Variants in C12orf54 observed in about 807,000 individuals in gnomAD.
C12orf54 encodes the protein chromosome 12 open reading frame 54, also known as uncharacterized protein C12orf54.
A neutral mutation model predicts 26.4 loss-of-function variants in C12orf54; 24 were observed. That is an observed-to-expected ratio of 0.91 (90% confidence interval 0.66 to 1.28). C12orf54 has a LOEUF of 1.28. Ranked by LOEUF, C12orf54 falls within the 50% of genes most tolerant of loss-of-function variation. The pLI is 0.00. For missense variants in C12orf54, 154 were observed against 150.9 expected (o/e 1.02, Z -0.11); for synonymous variants, 54 against 47.0 (o/e 1.15, Z -0.61).
chr12:48,473,948 C>T, the C12orf54 span, among the ~76,000 whole-genome samples: 1 of 152,140 alleles, frequency 6.6e-6, no homozygotes, highest in African/African-American at 2.4e-5. Flanking sequence ...GGGACATTCC[C>T]CATCTCTCAT....
chr12:48,482,961 C>G (rs1326262942), intron 1 of C12orf54, among the ~76,000 whole-genome samples: 2 of 151,688 alleles, frequency 1.3e-5, no homozygotes, highest in African/African-American at 4.8e-5. Context: ...TACTTCCTCA[C>G]TGCAATTTCT....
At chr12:48,458,239 A>G in the C12orf54 span, among the ~76,000 whole-genome samples, 8 of 152,214 alleles carry the variant, frequency 5.3e-5, no homozygotes, top group African/African-American at 1.9e-4. Flanking sequence ...CATTCACTGC[A>G]ACTGCTCAGC....
At chr12:48,475,423 G>A in the C12orf54 span, among the ~76,000 whole-genome samples, 3 of 152,152 alleles carry the variant, frequency 2.0e-5, no homozygotes, top group African/African-American at 4.8e-5. Context: ...GAGAGAAGAA[G>A]GCTTCAGAAG....
chr12:48,479,993 C>T (rs1042254683), upstream of C12orf54, among the ~76,000 whole-genome samples: 3 of 151,882 alleles, frequency 2.0e-5, no homozygotes, highest in Non-Finnish European at 4.4e-5. Flanking sequence ...GATAGAATAG[C>T]TTTTCTTATT....
the C12orf54 span, among the ~76,000 whole-genome samples, chr12:48,421,719 G>T: frequency 6.6e-6 from 1 of 151,614 alleles, no homozygotes; most frequent in Non-Finnish European, 1.5e-5. Context: ...TAGTAGAGAC[G>T]GGGTTTCACC....
chr12:48,452,271 T>A, the C12orf54 span, among the ~76,000 whole-genome samples: 2 of 152,164 alleles, frequency 1.3e-5, no homozygotes, highest in South Asian at 4.1e-4. Context: ...CTGGGAGAAC[T>A]GCCTAGCCAT....
chr12:48,479,608 T>G (rs76329337), upstream of C12orf54, among the ~76,000 whole-genome samples: 19,278 of 151,804 alleles, frequency 0.13, 1,620 homozygotes, highest in Non-Finnish European at 0.2. Flanking sequence ...GTTTTGTTTT[T>G]TTTTTTCATA....
At chr12:48,454,732 A>T in the C12orf54 span, among the ~76,000 whole-genome samples, 6 of 152,222 alleles carry the variant, frequency 3.9e-5, no homozygotes, top group African/African-American at 1.2e-4. Context: ...CATAAATTCC[A>T]AGTATCATAT....
chr12:48,465,422 G>T, the C12orf54 span, among the ~76,000 whole-genome samples: 1 of 152,110 alleles, frequency 6.6e-6, no homozygotes, highest in Admixed American at 6.6e-5. Flanking sequence ...AACTGATGCT[G>T]GCAAGGTTGT....
upstream of C12orf54, among the ~76,000 whole-genome samples, chr12:48,478,574 A>G (rs1954167692): frequency 6.6e-6 from 1 of 152,218 alleles, no homozygotes; most frequent in African/African-American, 2.4e-5. Context: ...ATCAATGTAC[A>G]AAAATCACAA....
the C12orf54 span, among the ~76,000 whole-genome samples, chr12:48,463,616 A>G: frequency 1.3e-5 from 2 of 151,820 alleles, no homozygotes; most frequent in South Asian, 4.1e-4. Flanking sequence ...CAGTATAAAA[A>G]AAAAAAGAAA....
At chr12:48,486,847 C>G in intron 4 of C12orf54, 121 bp downstream of exon 4, 1 of 935,748 alleles carries the variant, frequency 1.1e-6, no homozygotes, top group Non-Finnish European at 1.7e-6. Flanking sequence ...GGTGAAGGAT[C>G]AACACGCTCC....
the C12orf54 span, among the ~76,000 whole-genome samples, chr12:48,418,852 GAGCCCAAGTAACAT>G: frequency 6.6e-6 from 1 of 151,264 alleles, no homozygotes; most frequent in African/African-American, 2.4e-5. Context: ...TTATAAAGTA[GAGCCCAAGTAACAT>G]AGCCCAGAGA....
chr12:48,489,999 G>A (rs1210557419), intron 5 of C12orf54, among the ~76,000 whole-genome samples: 6 of 152,032 alleles, frequency 3.9e-5, no homozygotes, highest in Admixed American at 3.9e-4. Flanking sequence ...TGGGATTACA[G>A]ACATGAGCCA....
At chr12:48,458,793 T>G in the C12orf54 span, among the ~76,000 whole-genome samples, 1 of 152,132 alleles carries the variant, frequency 6.6e-6, no homozygotes. Flanking sequence ...CTTCCTATTT[T>G]GGAAAGACTG....
chr12:48,465,813 C>T, the C12orf54 span, among the ~76,000 whole-genome samples: 2 of 152,094 alleles, frequency 1.3e-5, no homozygotes, highest in Non-Finnish European at 2.9e-5. Flanking sequence ...AACACAGGAA[C>T]AGAAAACCAA....
the C12orf54 span, among the ~76,000 whole-genome samples, chr12:48,418,855 C>T: frequency 7.3e-5 from 11 of 151,692 alleles, no homozygotes; most frequent in Admixed American, 3.3e-4. Flanking sequence ...TAAAGTAGAG[C>T]CCAAGTAACA....
the C12orf54 span, among the ~76,000 whole-genome samples, chr12:48,438,195 A>G: frequency 6.6e-6 from 1 of 152,238 alleles, no homozygotes; most frequent in South Asian, 2.1e-4. Flanking sequence ...CTAACTTACA[A>G]GGGACGTGAA....
chr12:48,424,946 G>A, the C12orf54 span, among the ~76,000 whole-genome samples: 1 of 152,038 alleles, frequency 6.6e-6, no homozygotes, highest in Non-Finnish European at 1.5e-5. Flanking sequence ...TGTTGCAATG[G>A]AAATGTTCTG....
Sources: gnomAD v4.1 joint callset for allele counts (sites outside exome capture counted in the v4.1 genomes callset) on GRCh38, gnomAD v4.1.1 for gene constraint, MANE v1.5 for transcripts, NCBI Gene and HGNC (gene_info 2026-07-23, HGNC 2026-07-21) for gene names.